ITGBL1: variants seen among roughly 807,000 people sequenced by gnomAD.
The protein encoded by ITGBL1 is integrin beta-like protein 1.
A neutral mutation model predicts 68.5 loss-of-function variants in ITGBL1; 51 were observed. The observed-to-expected ratio is 0.74, with a 90% CI of 0.59 to 0.94. ITGBL1 has a LOEUF of 0.94. Ranked by LOEUF, ITGBL1 falls within the 40% of genes least tolerant of loss-of-function variation. The pLI, the probability that ITGBL1 is intolerant of heterozygous loss-of-function variation, is 0.00. For missense variants in ITGBL1, 649 were observed against 647.4 expected (o/e 1.00, Z -0.03); for synonymous variants, 209 against 227.3 (o/e 0.92, Z 0.72).
At position 101,495,114 on chromosome 13, in the gene ITGBL1, G is replaced by A. The variant is rs147640108; in HGVS notation, c.316+41014G>A. The stretch of plus-strand genomic sequence containing the variant: ...TCATGAACTGATCAGCAAGAGCATG[G>A]AAGTTGCCAACCCTTTTTAACTTTT... On this transcript the variant is annotated intron_variant, in intron 2 of 10. Coordinates refer to ENST00000376180, the MANE Select transcript of ITGBL1 (RefSeq NM_004791.3). Among the ~76,000 whole-genome samples the A allele has an allele frequency of 2.9e-3, 440 of 152,286 alleles. 1 individual carries two copies. The highest frequency in any genetic ancestry group is 6.8e-3 in the Middle Eastern group (2 of 294).
intron 7 of ITGBL1, among the ~76,000 whole-genome samples, chr13:101,689,043 GAA>G (rs3063753): frequency 0.54 from 79,183 of 146,382 alleles, 21,611 homozygotes; most frequent in East Asian, 0.71. Flanking sequence ...ACTAAAAATA[GAA>G]AAAAAAAAAA....
At chr13:101,633,241 G>A (rs765722795) in intron 7 of ITGBL1, among the ~76,000 whole-genome samples, 1 of 152,184 alleles carries the variant, frequency 6.6e-6, no homozygotes, top group Admixed American at 6.5e-5. Flanking sequence ...CATAATGAAT[G>A]TATCTACTTT....
At chr13:101,544,020 A>G (rs142185041) in intron 2 of ITGBL1, among the ~76,000 whole-genome samples, 2,357 of 152,142 alleles carry the variant, frequency 0.015, 70 homozygotes, top group African/African-American at 0.053. Flanking sequence ...AGCTCGGAGT[A>G]GTTTGATTGT....
intron 2 of ITGBL1, among the ~76,000 whole-genome samples, chr13:101,505,258 AATG>A (rs1330137005): frequency 2.6e-5 from 4 of 152,274 alleles, no homozygotes; most frequent in Non-Finnish European, 5.9e-5. Context: ...TGACAATCAG[AATG>A]ATGAAGATTC....
intron 6 of ITGBL1, among the ~76,000 whole-genome samples, chr13:101,593,573 G>A (rs1180578452): frequency 6.6e-6 from 1 of 151,992 alleles, no homozygotes; most frequent in Non-Finnish European, 1.5e-5. Context: ...ATACACAATG[G>A]ATAATTCTGC....
At chr13:101,586,708 A>G (rs1261041235) in intron 6 of ITGBL1, among the ~76,000 whole-genome samples, 1 of 152,194 alleles carries the variant, frequency 6.6e-6, no homozygotes, top group Non-Finnish European at 1.5e-5. Flanking sequence ...TTTTCTGAGG[A>G]AGAACTGTCC....
At chr13:101,476,953 C>G (rs2048546533) in intron 2 of ITGBL1, among the ~76,000 whole-genome samples, 1 of 152,080 alleles carries the variant, frequency 6.6e-6, no homozygotes, top group African/African-American at 2.4e-5. Flanking sequence ...GACAGAAAAT[C>G]AACAAAGAAA....
At chr13:101,671,728 G>A (rs1393816312) in intron 7 of ITGBL1, among the ~76,000 whole-genome samples, 3 of 151,872 alleles carry the variant, frequency 2.0e-5, no homozygotes, top group Admixed American at 6.6e-5. Context: ...GTGAGCCACC[G>A]CGCCCGGCCA....
intron 2 of ITGBL1, among the ~76,000 whole-genome samples, chr13:101,470,872 CCTT>C (rs766297451): frequency 4.1e-5 from 6 of 147,074 alleles, no homozygotes; most frequent in African/African-American, 7.6e-5. Context: ...ATTGCTACAT[CCTT>C]CTTGTGTGGT....
At chr13:101,601,500 C>T (rs1440593336) in intron 7 of ITGBL1, among the ~76,000 whole-genome samples, 1 of 152,060 alleles carries the variant, frequency 6.6e-6, no homozygotes, top group Non-Finnish European at 1.5e-5. Context: ...TTTGCTCTTG[C>T]TTCTCTAGTT....
chr13:101,512,476 C>T (rs2049131608), intron 2 of ITGBL1, among the ~76,000 whole-genome samples: 1 of 152,114 alleles, frequency 6.6e-6, no homozygotes, highest in African/African-American at 2.4e-5. Context: ...TATTTATTTT[C>T]CTTGAGAATT....
chr13:101,516,346 C>T (rs764597144), intron 2 of ITGBL1, among the ~76,000 whole-genome samples: 14 of 152,138 alleles, frequency 9.2e-5, no homozygotes, highest in Non-Finnish European at 1.8e-4. Flanking sequence ...AAATGAAATG[C>T]GGTTATAAAA....
chr13:101,462,170 C>T (rs971680261), intron 2 of ITGBL1, among the ~76,000 whole-genome samples: 6 of 152,286 alleles, frequency 3.9e-5, no homozygotes, highest in South Asian at 4.1e-4. Context: ...TTTCTCACAC[C>T]GCTGTCTCCC....
chr13:101,539,303 T>G (rs1333610388), intron 2 of ITGBL1, among the ~76,000 whole-genome samples: 3 of 151,260 alleles, frequency 2.0e-5, no homozygotes, highest in African/African-American at 4.9e-5. Flanking sequence ...ACATGTGGTG[T>G]TTGGTTTTTT....
intron 7 of ITGBL1, among the ~76,000 whole-genome samples, chr13:101,666,054 T>C (rs1284990547): frequency 6.6e-6 from 1 of 152,154 alleles, no homozygotes; most frequent in African/African-American, 2.4e-5. Context: ...TGAAGGTGTC[T>C]GTAGTTTACT....
At chr13:101,549,722 A>G (rs2049889764) in intron 2 of ITGBL1, among the ~76,000 whole-genome samples, 1 of 152,132 alleles carries the variant, frequency 6.6e-6, no homozygotes, top group Non-Finnish European at 1.5e-5. Context: ...GTCAGTGAAA[A>G]TATCCAGTAT....
rs115276901 is a variant in ITGBL1 at position 101,476,212 on chromosome 13, G to A, written c.316+22112G>A. Among the ~76,000 whole-genome samples, 1,439 of 152,158 alleles carry A rather than the reference G, an allele frequency of 9.5e-3. 21 individuals carry two copies. The highest frequency in any genetic ancestry group is 0.033 in the African/African-American group (1,361 of 41,524). On this transcript the variant is annotated intron_variant, in intron 2 of 10. Coordinates refer to ENST00000376180, the MANE Select transcript of ITGBL1 (RefSeq NM_004791.3). Reference sequence around the variant, plus strand: ...AGTGGGTGGATGAAGTTAGTGTAGAGTTTTCATTAGTTTTCTCTTTGCTTG... The same window carrying A: ...AGTGGGTGGATGAAGTTAGTGTAGAATTTTCATTAGTTTTCTCTTTGCTTG...
intron 3 of ITGBL1, among the ~76,000 whole-genome samples, chr13:101,568,413 G>T (rs1159235599): frequency 6.6e-6 from 1 of 152,120 alleles, no homozygotes; most frequent in Non-Finnish European, 1.5e-5. Context: ...ATATAAAAGA[G>T]TTGCAGTTTA....
chr13:101,635,323 CAT>C (rs959614054), intron 7 of ITGBL1, among the ~76,000 whole-genome samples: 1 of 151,990 alleles, frequency 6.6e-6, no homozygotes, highest in Admixed American at 6.6e-5. Flanking sequence ...AAATAAAACA[CAT>C]GTTAAATATC....
Sources: allele counts gnomAD v4.1 joint callset (sites outside exome capture counted in the v4.1 genomes callset), GRCh38; gene constraint gnomAD v4.1.1; transcripts MANE v1.5; gene names NCBI Gene and HGNC (gene_info 2026-07-23, HGNC 2026-07-21).